The following ANKRD55 variants were observed in gnomAD, a reference collection of about 807,000 sequenced individuals.
The protein encoded by ANKRD55 is ankyrin repeat domain 55.
A neutral mutation model predicts 60.6 loss-of-function variants in ANKRD55; 41 were observed. The ratio of observed to expected loss-of-function variants is 0.68; its 90% CI spans 0.53 to 0.88. ANKRD55 has a LOEUF of 0.88. Among genes scored for constraint, ANKRD55 ranks in the 40% least tolerant of loss-of-function variants. ANKRD55 has a pLI of 0.00. For synonymous variants in ANKRD55, 264 were observed against 290.3 expected (o/e 0.91, Z 0.92); for missense variants, 732 against 767.6 (o/e 0.95, Z 0.55).
At chr5:56,229,856 C>T (rs999591830) in intron 2 of ANKRD55, among the ~76,000 whole-genome samples, 1 of 152,138 alleles carries the variant, frequency 6.6e-6, no homozygotes, top group Non-Finnish European at 1.5e-5. Flanking sequence ...CCTCAGTCCC[C>T]TCTGTTGCTA....
chr5:56,126,815 A>G, intron 8 of ANKRD55, 107 bp downstream of exon 8: 13 of 1,217,302 alleles, frequency 1.1e-5, no homozygotes, highest in Non-Finnish European at 1.3e-5. Flanking sequence ...ATTACTGGCA[A>G]TAGGGATATA....
At chr5:56,221,811 A>T (rs896141173) in intron 2 of ANKRD55, among the ~76,000 whole-genome samples, 1 of 152,210 alleles carries the variant, frequency 6.6e-6, no homozygotes, top group East Asian at 1.9e-4. Context: ...GGCATGTGCC[A>T]TTGCTGAGGC....
At chr5:56,231,689 AC>A (rs1760261439) in intron 2 of ANKRD55, among the ~76,000 whole-genome samples, 1 of 150,486 alleles carries the variant, frequency 6.6e-6, no homozygotes, top group Admixed American at 6.7e-5. Context: ...ACACACACAC[AC>A]ACACACATAC....
At chr5:56,232,751 C>CACAG in intron 2 of ANKRD55, 105 bp downstream of exon 2, 1 of 1,150,138 alleles carries the variant, frequency 8.7e-7, no homozygotes, top group Admixed American at 1.8e-5. Context: ...CATGAACACA[C>CACAG]ACACACACAC....
intron 2 of ANKRD55, among the ~76,000 whole-genome samples, chr5:56,221,784 AG>A (rs1385084974): frequency 6.6e-6 from 1 of 152,246 alleles, no homozygotes; most frequent in Non-Finnish European, 1.5e-5. Context: ...GCAAGGCAGC[AG>A]CGAGGCTGGG....
intron 9 of ANKRD55, among the ~76,000 whole-genome samples, chr5:56,112,355 G>A (rs139487017): frequency 9.2e-5 from 14 of 151,784 alleles, no homozygotes; most frequent in Non-Finnish European, 1.3e-4. Flanking sequence ...CTTTCCTATC[G>A]AAAAGTACTT....
At chr5:56,204,013 G>A (rs754070627) in intron 2 of ANKRD55, among the ~76,000 whole-genome samples, 88 of 152,272 alleles carry the variant, frequency 5.8e-4, no homozygotes, top group Non-Finnish European at 1.2e-3. Flanking sequence ...TTTTTTTAAT[G>A]ATTGCTGTTC....
Position 56,126,997 on chromosome 5 carries a change from G to A in ANKRD55, c.722C>T (p.Ala241Val), listed in dbSNP as rs61741177. 36 of 1,613,662 alleles carry A rather than the reference G, an allele frequency of 2.2e-5. No individual in the cohort carries two copies. The highest frequency in any genetic ancestry group is 3.3e-5 in the South Asian group (3 of 90,958). ...CTCATGAATAATATCGCTGAAGCCCGCTGCCGCTGCGATATGTACACATGT... is the reference window on the plus strand; with the variant it reads ...CTCATGAATAATATCGCTGAAGCCCACTGCCGCTGCGATATGTACACATGT... The part of the protein sequence containing the change: ...GKTCVHIAAA[A>V]GFSDIIHELA... The change falls in exon 8 of 12, where the codon GCG becomes GTG. Residue 241 changes from alanine (A) to valine (V), a missense_variant. Transcript: ENST00000341048.
At chr5:56,147,642 A>T (rs1468330903) in intron 6 of ANKRD55, among the ~76,000 whole-genome samples, 1 of 150,258 alleles carries the variant, frequency 6.7e-6, no homozygotes, top group African/African-American at 2.5e-5. Flanking sequence ...AAATTACTTC[A>T]TTACTTTTCT....
chr5:56,120,573 C>T (rs1381281877), intron 8 of ANKRD55, among the ~76,000 whole-genome samples: 1 of 152,124 alleles, frequency 6.6e-6, no homozygotes, highest in Non-Finnish European at 1.5e-5. Context: ...AAATGGCTCC[C>T]CCAGCACTGG....
chr5:56,152,604 A>T (rs2111778449), intron 6 of ANKRD55, among the ~76,000 whole-genome samples: 1 of 152,316 alleles, frequency 6.6e-6, no homozygotes, highest in Admixed American at 6.5e-5. Context: ...GCAACAGACA[A>T]GCCTCACTCT....
intron 3 of ANKRD55, among the ~76,000 whole-genome samples, chr5:56,181,855 G>A (rs1424141946): frequency 6.6e-6 from 1 of 152,124 alleles, no homozygotes; most frequent in African/African-American, 2.4e-5. Context: ...TCGGCCTCCC[G>A]AAGTGTTGGG....
intron 6 of ANKRD55, among the ~76,000 whole-genome samples, chr5:56,148,524 T>G (rs1163560292): frequency 6.6e-6 from 1 of 152,224 alleles, no homozygotes; most frequent in Non-Finnish European, 1.5e-5. Context: ...AAAATGTATG[T>G]TCTAACTGTT....
intron 2 of ANKRD55, among the ~76,000 whole-genome samples, chr5:56,208,413 A>ATATT (rs200944118): frequency 6.0e-4 from 91 of 151,474 alleles, no homozygotes; most frequent in Middle Eastern, 3.4e-3. Context: ...TTTAAAAAAA[A>ATATT]TATTTATTTA....
At chr5:56,128,190 CT>C (rs1428461411) in intron 7 of ANKRD55, among the ~76,000 whole-genome samples, 1 of 152,090 alleles carries the variant, frequency 6.6e-6, no homozygotes, top group East Asian at 1.9e-4. Flanking sequence ...CACAACAATT[CT>C]TTTTTGTTTA....
chr5:56,134,826 TAA>T (rs1757515934), intron 7 of ANKRD55, among the ~76,000 whole-genome samples: 1 of 152,058 alleles, frequency 6.6e-6, no homozygotes, highest in Non-Finnish European at 1.5e-5. Context: ...ATAACTTTCA[TAA>T]AGATAGATGT....
chr5:56,208,296 A>G (rs1459876177), intron 2 of ANKRD55, among the ~76,000 whole-genome samples: 1 of 152,208 alleles, frequency 6.6e-6, no homozygotes, highest in East Asian at 1.9e-4. Context: ...GCTTAAAAAA[A>G]AAAGTAAAAG....
chr5:56,204,984 G>T (rs1050089476), intron 2 of ANKRD55, among the ~76,000 whole-genome samples: 1 of 152,196 alleles, frequency 6.6e-6, no homozygotes, highest in African/African-American at 2.4e-5. Flanking sequence ...AGAGCAGAAT[G>T]TTCATGTTCA....
chr5:56,180,971 G>T (rs1415914436), intron 3 of ANKRD55, among the ~76,000 whole-genome samples: 1 of 152,176 alleles, frequency 6.6e-6, no homozygotes, highest in African/African-American at 2.4e-5. Flanking sequence ...GGCCAAGGTG[G>T]GAGGATCACC....
Sources: allele counts gnomAD v4.1 joint callset (sites outside exome capture counted in the v4.1 genomes callset), GRCh38; gene constraint gnomAD v4.1.1; transcripts MANE v1.5; gene names NCBI Gene and HGNC (gene_info 2026-07-23, HGNC 2026-07-21).